The following OTUD7A variants were observed in gnomAD, a reference collection of about 807,000 sequenced individuals.
The protein encoded by OTUD7A is OTU domain-containing protein 7A.
Under a neutral mutation model 65.7 loss-of-function variants are expected in OTUD7A, and 12 were observed. That is an observed-to-expected ratio of 0.18 (90% CI 0.12 to 0.30). The LOEUF (loss-of-function observed/expected upper bound fraction) is 0.30, where lower values mean the gene tolerates loss of function less well. Among genes scored for constraint, OTUD7A ranks in the 10% least tolerant of loss-of-function variants. The probability of loss-of-function intolerance (pLI) is 1.00; values close to 1 mark genes in which losing one functional copy is unlikely to be tolerated. For missense variants in OTUD7A, 1,148 were observed against 1,304.8 expected (o/e 0.88, Z 1.85); for synonymous variants, 641 against 586.3 (o/e 1.09, Z -1.35).
chr15:31,698,916 G>C (rs998609677), intron 1 of OTUD7A, among the ~76,000 whole-genome samples: 1 of 151,710 alleles, frequency 6.6e-6, no homozygotes, highest in East Asian at 1.9e-4. Flanking sequence ...TTAAAAATAA[G>C]AGTAATGGCA....
At chr15:31,692,775 C>T (rs1441246875) in intron 1 of OTUD7A, among the ~76,000 whole-genome samples, 1 of 151,350 alleles carries the variant, frequency 6.6e-6, no homozygotes, top group East Asian at 2.0e-4. Flanking sequence ...ACGAAGCTTA[C>T]CTAAGAACAG....
chr15:31,551,954 A>G (rs1331514967), intron 5 of OTUD7A, among the ~76,000 whole-genome samples: 4 of 152,092 alleles, frequency 2.6e-5, no homozygotes, highest in African/African-American at 9.7e-5. Flanking sequence ...TCCCCTCCAA[A>G]TCTATGTTGA....
intron 1 of OTUD7A, among the ~76,000 whole-genome samples, chr15:31,673,609 C>CA (rs71113414): frequency 0.17 from 26,613 of 152,188 alleles, 2,594 homozygotes; most frequent in East Asian, 0.25. Flanking sequence ...GTTACACTGG[C>CA]ATAAAATATG....
intron 1 of OTUD7A, among the ~76,000 whole-genome samples, chr15:31,667,111 C>T (rs1360054579): frequency 2.0e-5 from 3 of 152,110 alleles, no homozygotes; most frequent in Non-Finnish European, 4.4e-5. Flanking sequence ...CCGTGGTTGT[C>T]GGATGAAATG....
rs1336989532 is a variant in OTUD7A at position 31,697,444 on chromosome 15, G to A, written c.-99-40367C>T. On this transcript the variant is annotated intron_variant, in intron 1 of 12. Transcript: ENST00000307050. ...CTTGCTAGGCTGCTATCCCATTCGG[G>A]TTGTGACCAGGGTCCTCCTGAAGCC... Among the ~76,000 whole-genome samples, 4 of 140,126 alleles carry A rather than the reference G, an allele frequency of 2.9e-5. No homozygotes were observed. The East Asian group carries it at 8.2e-4, about 29-fold the overall frequency. The allele number at this position is 140,126 out of a possible 152,430, so 91.9% of individuals were successfully genotyped here.
chr15:31,663,669 T>C (rs1203954883), intron 1 of OTUD7A, among the ~76,000 whole-genome samples: 1 of 152,170 alleles, frequency 6.6e-6, no homozygotes, highest in Non-Finnish European at 1.5e-5. Flanking sequence ...CACATTTTCT[T>C]TAAAAAATTT....
At position 31,840,612 on chromosome 15, in the gene OTUD7A, CT is replaced by C. The variant is rs1469256801; in HGVS notation, c.-100+29894del. The stretch of plus-strand genomic sequence containing the variant: ...GAAGTTAACTGGACTGTTTTTCGGT[CT>C]TTTTTTCCCCCTTTAATAGACACTG... On this transcript the variant is annotated intron_variant, in intron 1 of 12. Coordinates refer to ENST00000307050, the MANE Select transcript of OTUD7A (RefSeq NM_001382637.1). 3.3e-5 allele frequency among the ~76,000 whole-genome samples: 5 copies of C among 152,154 alleles called. No homozygotes were observed. In the East Asian group the frequency reaches 5.8e-4, roughly 18 times the overall value.
intron 1 of OTUD7A, among the ~76,000 whole-genome samples, chr15:31,686,225 G>T (rs1283796059): frequency 6.6e-6 from 1 of 152,228 alleles, no homozygotes; most frequent in East Asian, 1.9e-4. Flanking sequence ...CCTGAGTGTG[G>T]CCAAGCACCT....
At chr15:31,858,676 A>G (rs918378497) in intron 1 of OTUD7A, among the ~76,000 whole-genome samples, 2 of 152,232 alleles carry the variant, frequency 1.3e-5, no homozygotes, top group Admixed American at 6.5e-5. Flanking sequence ...AACAACGGCC[A>G]GGTTCCCCGT....
chr15:31,771,085 C>G (rs558736603), intron 1 of OTUD7A, among the ~76,000 whole-genome samples: 8 of 152,250 alleles, frequency 5.3e-5, no homozygotes, highest in African/African-American at 1.9e-4. Flanking sequence ...TAAAGGCATA[C>G]ATATTGGAAA....
chr15:31,567,128 T>C (rs1433350489), intron 4 of OTUD7A, among the ~76,000 whole-genome samples: 1 of 152,102 alleles, frequency 6.6e-6, no homozygotes, highest in Non-Finnish European at 1.5e-5. Flanking sequence ...GAGGGAAAGT[T>C]TGGAACTTCT....
intron 1 of OTUD7A, among the ~76,000 whole-genome samples, chr15:31,861,175 C>A (rs939119253): frequency 1.3e-5 from 2 of 152,076 alleles, no homozygotes; most frequent in African/African-American, 2.4e-5. Flanking sequence ...TCAGAGTAGG[C>A]AGCTGCGGTT....
intron 1 of OTUD7A, among the ~76,000 whole-genome samples, chr15:31,792,639 G>GTC (rs749751058): frequency 1.3e-5 from 2 of 152,082 alleles, no homozygotes; most frequent in Non-Finnish European, 2.9e-5. Context: ...GCAGTCCTCA[G>GTC]TCTCTCTCTC....
chr15:31,744,438 A>G (rs2141376310), intron 1 of OTUD7A, among the ~76,000 whole-genome samples: 1 of 152,290 alleles, frequency 6.6e-6, no homozygotes, highest in Non-Finnish European at 1.5e-5. Context: ...TAGGGCAAAC[A>G]TTCAAAAACC....
intron 1 of OTUD7A, among the ~76,000 whole-genome samples, chr15:31,844,764 G>A (rs552847599): frequency 1.1e-4 from 16 of 152,332 alleles, no homozygotes; most frequent in East Asian, 1.9e-4. Flanking sequence ...CCAACCTTCC[G>A]TAAAGGAAAA....
intron 1 of OTUD7A, among the ~76,000 whole-genome samples, chr15:31,665,037 A>G (rs1019823196): frequency 6.6e-6 from 1 of 152,184 alleles, no homozygotes; most frequent in Non-Finnish European, 1.5e-5. Context: ...TTATACCAGT[A>G]CCACGCTGTT....
chr15:31,679,658 G>A lies in OTUD7A; in HGVS notation c.-99-22581C>T, dbSNP rs1342118658. Reference sequence around the variant, plus strand: ...GAAATGTGCCTTGCTTCCCCTTCACGTTCCGCCATGATTGTAAGTCTCCTG... The same window carrying A: ...GAAATGTGCCTTGCTTCCCCTTCACATTCCGCCATGATTGTAAGTCTCCTG... On this transcript the variant is annotated intron_variant, in intron 1 of 12. Transcript: ENST00000307050. Among the ~76,000 whole-genome samples, 12 of 152,122 alleles carry A rather than the reference G, an allele frequency of 7.9e-5. 1 individual carries two copies. In the East Asian group the frequency reaches 1.4e-3, roughly 17 times the overall value.
At chr15:31,510,049 G>A (rs1373238412) in intron 8 of OTUD7A, among the ~76,000 whole-genome samples, 2 of 144,966 alleles carry the variant, frequency 1.4e-5, no homozygotes, top group East Asian at 2.0e-4. Context: ...GACGGGCCCC[G>A]CCTGCATGTA....
At chr15:31,789,282 T>C (rs560923442) in intron 1 of OTUD7A, among the ~76,000 whole-genome samples, 8 of 152,310 alleles carry the variant, frequency 5.3e-5, no homozygotes, top group South Asian at 4.1e-4. Context: ...TTCAATCAGA[T>C]GGGAATATTT....
Sources: gnomAD v4.1 joint callset for allele counts (sites outside exome capture counted in the v4.1 genomes callset) on GRCh38, gnomAD v4.1.1 for gene constraint, MANE v1.5 for transcripts, NCBI Gene and HGNC (gene_info 2026-07-23, HGNC 2026-07-21) for gene names.